NALF1: variants seen among roughly 807,000 people sequenced by gnomAD.
NALF1 encodes family with sequence similarity 155 member A.
NALF1 carries 3 observed loss-of-function variants against 48.4 expected under a neutral mutation model. The observed-to-expected ratio is 0.06, with a 90% CI of 0.03 to 0.16. The LOEUF (loss-of-function observed/expected upper bound fraction) is 0.16, where lower values mean the gene tolerates loss of function less well. Among genes scored for constraint, NALF1 ranks in the 10% least tolerant of loss-of-function variants. NALF1 has a pLI of 1.00. For missense variants in NALF1, 526 were observed against 571.5 expected, an observed-to-expected ratio of 0.92 and a Z score of 0.81; for synonymous variants, 262 against 245.7, an observed-to-expected ratio of 1.07 and a Z score of -0.62.
At chr13:107,328,755 G>T (rs1882413569) in intron 1 of NALF1, among the ~76,000 whole-genome samples, 1 of 152,156 alleles carries the variant, frequency 6.6e-6, no homozygotes, top group African/African-American at 2.4e-5. Flanking sequence ...AAGCCTCTAG[G>T]TTCACAGCAG....
At chr13:107,736,223 ACG>A (rs57922203) in intron 1 of NALF1, among the ~76,000 whole-genome samples, 6,340 of 56,520 alleles carry the variant, frequency 0.11, 310 homozygotes, top group African/African-American at 0.26. Context: ...ACACACACAC[ACG>A]CGCGCGTGTA....
chr13:107,850,261 C>T (rs1430797647), intron 1 of NALF1, among the ~76,000 whole-genome samples: 1 of 152,030 alleles, frequency 6.6e-6, no homozygotes, highest in Non-Finnish European at 1.5e-5. Context: ...TTTGCTGTCT[C>T]TCCACATATC....
intron 1 of NALF1, among the ~76,000 whole-genome samples, chr13:107,378,718 T>A (rs1462838371): frequency 6.6e-6 from 1 of 152,190 alleles, no homozygotes; most frequent in Non-Finnish European, 1.5e-5. Context: ...TATGAAATAT[T>A]GTCAAATGTA....
chr13:107,236,667 GTCTGTCTATCTATCTA>G lies in NALF1; in HGVS notation c.916-25928_916-25913del, dbSNP rs1199249907. ...TATGGCACTATCTATCTATCCATCT[GTCTGTCTATCTATCTA>G]TCTATCTATCTATCTATCTATCTAT... On this transcript the variant is annotated intron_variant, in intron 1 of 2. Coordinates refer to ENST00000375915, the MANE Select transcript of NALF1 (RefSeq NM_001080396.3). 7.9e-3 allele frequency among the ~76,000 whole-genome samples: 969 copies of G among 122,404 alleles called. 12 individuals are homozygous for G. Among genetic ancestry groups the G allele is most frequent in the Admixed American group, 0.028 (320 of 11,378 alleles). 80.3% of individuals were successfully genotyped at this position (122,404 alleles called of 152,430 possible).
intron 1 of NALF1, among the ~76,000 whole-genome samples, chr13:107,230,734 A>G (rs575278228): frequency 2.0e-4 from 30 of 151,992 alleles, no homozygotes; most frequent in African/African-American, 7.0e-4. Flanking sequence ...AGATAACACG[A>G]ACGACTGGGG....
chr13:107,488,716 G>A (rs1286319511), intron 1 of NALF1, among the ~76,000 whole-genome samples: 1 of 152,096 alleles, frequency 6.6e-6, no homozygotes, highest in African/African-American at 2.4e-5. Context: ...ACTGGCACAA[G>A]AGAAGAATTT....
intron 1 of NALF1, among the ~76,000 whole-genome samples, chr13:107,564,137 C>G (rs1458965742): frequency 1.3e-5 from 2 of 152,100 alleles, no homozygotes; most frequent in Non-Finnish European, 2.9e-5. Flanking sequence ...AGATAATGCA[C>G]CATCCTGATG....
At chr13:107,318,787 TA>T (rs1347964306) in intron 1 of NALF1, among the ~76,000 whole-genome samples, 1 of 152,082 alleles carries the variant, frequency 6.6e-6, no homozygotes, top group Admixed American at 6.6e-5. Flanking sequence ...AGCAAAAAGA[TA>T]GGGGCAAACT....
chr13:107,614,008 G>A (rs1405704679), intron 1 of NALF1, among the ~76,000 whole-genome samples: 1 of 152,154 alleles, frequency 6.6e-6, no homozygotes, highest in African/African-American at 2.4e-5. Context: ...GAAAGGGTAA[G>A]TACTGACCTA....
At chr13:107,817,346 C>T (rs1277586443) in intron 1 of NALF1, among the ~76,000 whole-genome samples, 2 of 152,180 alleles carry the variant, frequency 1.3e-5, no homozygotes, top group Non-Finnish European at 2.9e-5. Context: ...CCTTGTGCTA[C>T]TTAGAATGAT....
chr13:107,408,533 A>T (rs1214178528), intron 1 of NALF1, among the ~76,000 whole-genome samples: 1 of 152,106 alleles, frequency 6.6e-6, no homozygotes, highest in African/African-American at 2.4e-5. Flanking sequence ...TCGCTGCTAG[A>T]GAAGCAGGGC....
chr13:107,477,035 T>A (rs1407601239), intron 1 of NALF1, among the ~76,000 whole-genome samples: 1 of 152,104 alleles, frequency 6.6e-6, no homozygotes, highest in Non-Finnish European at 1.5e-5. Context: ...GGAAACTGAG[T>A]CAATAAAAAG....
intron 1 of NALF1, among the ~76,000 whole-genome samples, chr13:107,622,181 C>A (rs1879536506): frequency 6.6e-6 from 1 of 152,016 alleles, no homozygotes; most frequent in East Asian, 1.9e-4. Context: ...GTAATCCCAG[C>A]ACTTTGGGAG....
At chr13:107,431,792 T>A (rs1594059518) in intron 1 of NALF1, among the ~76,000 whole-genome samples, 1 of 152,128 alleles carries the variant, frequency 6.6e-6, no homozygotes, top group South Asian at 2.1e-4. Flanking sequence ...GAAAATTAAG[T>A]CCTAATGCTC....
Position 107,866,398 on chromosome 13 carries a change from C to T in NALF1, c.199G>A (p.Ala67Thr), listed in dbSNP as rs1349854869. The change falls in exon 1 of 3, where the codon GCC becomes ACC. Residue 67 changes from alanine (A) to threonine (T), a missense_variant. By Grantham distance (58) the Ala-to-Thr change is moderately conservative. Coordinates refer to ENST00000375915, the MANE Select transcript of NALF1 (RefSeq NM_001080396.3). This position sits in a 1 kb window ranked among gnomAD's most constrained non-coding sequence, Gnocchi z 4.4. Reference protein sequence around the residue: ...WFCAEAKLTRARDKEHQQQQR... With the variant: ...WFCAEAKLTRTRDKEHQQQQR... ...TGCTGCTGGTGCTCCTTGTCCCGGGCCCGGGTCAGCTTGGCCTCGGCGCAG... is the reference window on the plus strand; with the variant it reads ...TGCTGCTGGTGCTCCTTGTCCCGGGTCCGGGTCAGCTTGGCCTCGGCGCAG... 9 of 1,613,660 alleles carry T rather than the reference C, an allele frequency of 5.6e-6. No homozygotes were observed. Among genetic ancestry groups the T allele is most frequent in the Non-Finnish European group, 6.8e-6 (8 of 1,180,002 alleles).
intron 1 of NALF1, among the ~76,000 whole-genome samples, chr13:107,746,005 C>G (rs973804945): frequency 6.6e-6 from 1 of 152,154 alleles, no homozygotes; most frequent in Non-Finnish European, 1.5e-5. Context: ...TTCTGGAATT[C>G]CACTAACTAT....
intron 2 of NALF1, among the ~76,000 whole-genome samples, chr13:107,204,491 C>T (rs1879593932): frequency 6.6e-6 from 1 of 152,200 alleles, no homozygotes. Flanking sequence ...CCTAATTCCT[C>T]CTCTATTCCC....
intron 1 of NALF1, among the ~76,000 whole-genome samples, chr13:107,668,205 C>T (rs1000502798): frequency 6.6e-6 from 1 of 152,022 alleles, no homozygotes; most frequent in African/African-American, 2.4e-5. Context: ...TCCATTTTTG[C>T]CTACCCAAAG....
intron 1 of NALF1, among the ~76,000 whole-genome samples, chr13:107,404,419 A>T (rs555931197): frequency 5.3e-5 from 8 of 152,260 alleles, no homozygotes; most frequent in African/African-American, 7.2e-5. Context: ...TTTGAAAAAA[A>T]ATATATCTTA....
Sources: allele counts gnomAD v4.1 joint callset (sites outside exome capture counted in the v4.1 genomes callset), GRCh38; gene constraint gnomAD v4.1.1; non-coding constraint Gnocchi (gnomAD v3.1); transcripts MANE v1.5; gene names NCBI Gene and HGNC (gene_info 2026-07-23, HGNC 2026-07-21).